CAST: variants seen among roughly 807,000 people sequenced by gnomAD.
The protein encoded by CAST is calpastatin.
A neutral mutation model predicts 119.6 loss-of-function variants in CAST; 76 were observed. That is an observed-to-expected ratio of 0.64 (90% CI 0.53 to 0.77). The LOEUF (loss-of-function observed/expected upper bound fraction) is 0.77, where lower values mean the gene tolerates loss of function less well. Ranked by LOEUF, CAST falls within the 30% of genes least tolerant of loss-of-function variation. CAST has a pLI of 0.00. For missense variants in CAST, 953 were observed against 946.5 expected, an observed-to-expected ratio of 1.01 and a Z score of -0.09; for synonymous variants, 319 against 331.6, an observed-to-expected ratio of 0.96 and a Z score of 0.41.
chr5:96,743,426 A>C, intron 16 of CAST: 1 of 538,408 alleles, frequency 1.9e-6, no homozygotes. Context: ...CTGACAAGGC[A>C]GTGTTGTGGG....
the CAST span, among the ~76,000 whole-genome samples, chr5:96,185,282 G>A: frequency 6.6e-6 from 1 of 151,312 alleles, no homozygotes; most frequent in African/African-American, 2.4e-5. Context: ...TAAAAATTTT[G>A]TCTTATTCTG....
chr5:96,203,079 G>GT, the CAST span, among the ~76,000 whole-genome samples: 1 of 151,492 alleles, frequency 6.6e-6, no homozygotes, highest in South Asian at 2.1e-4. Context: ...TCTATTTTCT[G>GT]TTTTTTTAGG....
intron 6 of CAST, 48 bp from the exon 7 acceptor site, chr5:96,729,105 A>G (rs769323245): frequency 1.8e-6 from 2 of 1,122,856 alleles, no homozygotes; most frequent in Non-Finnish European, 2.7e-6. Flanking sequence ...TGAAAGTATT[A>G]CAAGTTGGAT....
the CAST span, among the ~76,000 whole-genome samples, chr5:96,107,919 A>G: frequency 6.6e-6 from 1 of 151,634 alleles, no homozygotes; most frequent in Non-Finnish European, 1.5e-5. Context: ...GGCTTTGTTC[A>G]TTTCTTTTTA....
upstream of CAST, among the ~76,000 whole-genome samples, chr5:96,523,610 T>A (rs1745552261): frequency 6.6e-6 from 1 of 152,142 alleles, no homozygotes; most frequent in Admixed American, 6.5e-5. Context: ...AGATAATAGC[T>A]AAGGTGGAAG....
the CAST span, among the ~76,000 whole-genome samples, chr5:96,147,275 G>C: frequency 6.6e-6 from 1 of 152,214 alleles, no homozygotes. Flanking sequence ...TGTTTCGAAA[G>C]AAGATCTGTT....
At chr5:96,118,630 CTTTT>C in the CAST span, among the ~76,000 whole-genome samples, 5 of 129,926 alleles carry the variant, frequency 3.8e-5, no homozygotes, top group African/African-American at 2.8e-5. Context: ...TGGAAATTTG[CTTTT>C]TTTTTTTTTT....
the CAST span, among the ~76,000 whole-genome samples, chr5:96,355,291 G>C: frequency 1.3e-5 from 2 of 150,060 alleles, no homozygotes; most frequent in African/African-American, 4.9e-5. Context: ...TTTGTTTTCT[G>C]TTCCTGTGTT....
At chr5:96,221,874 T>C in the CAST span, among the ~76,000 whole-genome samples, 1 of 152,076 alleles carries the variant, frequency 6.6e-6, no homozygotes, top group African/African-American at 2.4e-5. Flanking sequence ...AAGGCTATAG[T>C]AACCAAAACA....
the CAST span, chr5:96,411,060 C>A: frequency 9.7e-7 from 1 of 1,029,122 alleles, no homozygotes; most frequent in Non-Finnish European, 1.5e-6. Flanking sequence ...ATAAAATCCC[C>A]AACGACTACA....
At position 96,600,703 on chromosome 5, in the gene CAST, C is replaced by T. The variant is rs143449308; in HGVS notation, c.60+70823C>T. On this transcript the variant is annotated intron_variant, in intron 1 of 11. Coordinates refer to the CAST transcript ENST00000505143. ...TCTTTCTGCATATCCTAATCCTCTG[C>T]GCAAAACTGAGCCTCTCTGTATTTC... Among the ~76,000 whole-genome samples, 365 of 152,218 alleles carry T rather than the reference C, an allele frequency of 2.4e-3. 1 individual carries two copies. Among genetic ancestry groups the T allele is most frequent in the African/African-American group, 8.6e-3 (359 of 41,534 alleles).
the CAST span, among the ~76,000 whole-genome samples, chr5:96,477,683 T>C: frequency 6.6e-6 from 1 of 152,208 alleles, no homozygotes; most frequent in Non-Finnish European, 1.5e-5. Context: ...CTCATCATTA[T>C]CCCATCATTT....
At chr5:96,759,127 G>A (rs1274272650) in intron 24 of CAST, among the ~76,000 whole-genome samples, 1 of 151,978 alleles carries the variant, frequency 6.6e-6, no homozygotes, top group Admixed American at 6.6e-5. Flanking sequence ...AATTAGCAAA[G>A]GAAACATTAG....
chr5:96,379,140 G>T, the CAST span, among the ~76,000 whole-genome samples: 1 of 152,136 alleles, frequency 6.6e-6, no homozygotes, highest in African/African-American at 2.4e-5. Context: ...ATCTTTATGA[G>T]CTTTTGATAC....
intron 1 of CAST, among the ~76,000 whole-genome samples, chr5:96,559,103 A>G (rs1231243310): frequency 1.3e-5 from 2 of 152,134 alleles, no homozygotes; most frequent in African/African-American, 4.8e-5. Context: ...CCAATGACAA[A>G]AGCCACATGA....
chr5:96,727,802 T>A (rs1759559609), intron 6 of CAST, among the ~76,000 whole-genome samples: 1 of 152,120 alleles, frequency 6.6e-6, no homozygotes, highest in Non-Finnish European at 1.5e-5. Context: ...ATATGTATAG[T>A]GATTGCTTTA....
chr5:96,289,102 G>GA, the CAST span, among the ~76,000 whole-genome samples: 65,233 of 147,070 alleles, frequency 0.44, 14,748 homozygotes, highest in Admixed American at 0.55. Context: ...ATATGATTAA[G>GA]AAAAAAAAAA....
At chr5:96,443,538 A>C in the CAST span, among the ~76,000 whole-genome samples, 1 of 152,260 alleles carries the variant, frequency 6.6e-6, no homozygotes, top group African/African-American at 2.4e-5. Flanking sequence ...ATATCTGTAT[A>C]GCTTCAAAGA....
chr5:96,621,959 CTTTTTTTCTCTTTTTTTT>C (rs1192633718), intron 1 of CAST, among the ~76,000 whole-genome samples: 1 of 130,390 alleles, frequency 7.7e-6, no homozygotes, highest in Non-Finnish European at 1.6e-5. Context: ...CTTTTTTTTT[CTTTTTTTCTCTTTTTTTT>C]TTTTTTTTTT....
Sources: allele counts gnomAD v4.1 joint callset (sites outside exome capture counted in the v4.1 genomes callset), GRCh38; gene constraint gnomAD v4.1.1; transcripts MANE v1.5; gene names NCBI Gene and HGNC (gene_info 2026-07-23, HGNC 2026-07-21).